The following MVB12B variants were observed in gnomAD, a reference collection of about 807,000 sequenced individuals.
MVB12B encodes the protein ESCRT-I complex subunit MVB12B.
MVB12B carries 16 observed loss-of-function variants against 41.6 expected under a neutral mutation model. The observed-to-expected ratio is 0.38, with a 90% CI of 0.26 to 0.58. The LOEUF is 0.58. Ranked by LOEUF, MVB12B falls within the 20% of genes least tolerant of loss-of-function variation. The probability of loss-of-function intolerance (pLI) is 0.62; values close to 1 mark genes in which losing one functional copy is unlikely to be tolerated. For synonymous variants in MVB12B, 133 were observed against 139.7 expected, an observed-to-expected ratio of 0.95 and a Z score of 0.34; for missense variants, 274 against 380.2, an observed-to-expected ratio of 0.72 and a Z score of 2.32.
chr9:126,406,670 G>C (rs1831437848), intron 6 of MVB12B, among the ~76,000 whole-genome samples: 1 of 152,196 alleles, frequency 6.6e-6, no homozygotes, highest in African/African-American at 2.4e-5. Context: ...TGGAAGTGTG[G>C]TGCCCCTGGT....
intron 6 of MVB12B, among the ~76,000 whole-genome samples, chr9:126,413,766 A>G (rs571808787): frequency 6.6e-6 from 1 of 151,858 alleles, no homozygotes; most frequent in African/African-American, 2.4e-5. Flanking sequence ...AGTATTTGCC[A>G]GGATGTATCC....
intron 9 of MVB12B, among the ~76,000 whole-genome samples, chr9:126,499,336 G>A (rs1037166148): frequency 1.3e-5 from 2 of 152,090 alleles, no homozygotes; most frequent in Non-Finnish European, 2.9e-5. Flanking sequence ...GGGCTGCCCA[G>A]CTGCTGCAGT....
chr9:126,471,777 C>T (rs562845612), intron 7 of MVB12B, among the ~76,000 whole-genome samples: 3 of 152,236 alleles, frequency 2.0e-5, no homozygotes, highest in South Asian at 2.1e-4. Flanking sequence ...CTCCAAGCCC[C>T]GGGCAGGTAC....
Position 126,459,583 on chromosome 9 carries a change from G to A in MVB12B, c.758-21786G>A, listed in dbSNP as rs552026637. On this transcript the variant is annotated intron_variant, in intron 7 of 9. Transcript: ENST00000361171. The surrounding 1 kb of genome is among the most constrained non-coding windows in gnomAD (Gnocchi z 4.3). ...GTGCCATTGTGTCTGAGGTCCCAGA[G>A]CCAAAGCCTCGGGAGGCTTGGGGCT... Among the ~76,000 whole-genome samples, 1 of 152,328 alleles carries A rather than the reference G, an allele frequency of 6.6e-6. No individual in the cohort carries two copies. The highest frequency in any genetic ancestry group is 1.9e-4 in the East Asian group (1 of 5,188).
intron 4 of MVB12B, among the ~76,000 whole-genome samples, chr9:126,387,816 A>G (rs193194094): frequency 6.6e-6 from 1 of 152,214 alleles, no homozygotes; most frequent in Non-Finnish European, 1.5e-5. Flanking sequence ...CCCATTTCAG[A>G]TATGAGAAAA....
chr9:126,351,832 G>A (rs1206470551), intron 2 of MVB12B, among the ~76,000 whole-genome samples: 1 of 152,142 alleles, frequency 6.6e-6, no homozygotes, highest in Non-Finnish European at 1.5e-5. Context: ...AGGTGTTTTG[G>A]TAGGTACTGT....
rs537697923 is a variant in MVB12B, at chr9:126,459,730, C to T, written c.758-21639C>T. On this transcript the variant is annotated intron_variant, in intron 7 of 9. Transcript: ENST00000361171. The surrounding 1 kb of genome is among the most constrained non-coding windows in gnomAD (Gnocchi z 4.3). ...AGCTTGGAGTGCGCAGTTGTTACAG[C>T]GCTCACAGGGGCCGCGCTCACCTGC... Among the ~76,000 whole-genome samples, 1 of 152,214 alleles carries T rather than the reference C, an allele frequency of 6.6e-6. No homozygotes were observed. Among genetic ancestry groups the T allele is most frequent in the Non-Finnish European group, 1.5e-5 (1 of 68,006 alleles).
chr9:126,506,119 G>T lies in MVB12B; in HGVS notation c.*2856G>T, dbSNP rs1459380299. ...ATTAAGGCCTTTCTTCCCACCCCAA[G>T]TCCAAGAACAAATGCCAGCCACGTC... On this transcript the variant is annotated 3_prime_UTR_variant, in exon 10 of 10. Coordinates refer to ENST00000361171, the MANE Select transcript of MVB12B (RefSeq NM_033446.3). 1 of 152,464 alleles carries T rather than the reference G, an allele frequency of 6.6e-6. No homozygotes were observed. Among genetic ancestry groups the T allele is most frequent in the Non-Finnish European group, 1.5e-5 (1 of 68,060 alleles). The allele number at this position is 152,464 out of a possible 1,614,324, so 9.4% of individuals were successfully genotyped here. A position where few individuals can be genotyped will look rare whatever the true frequency, so the allele number is the denominator to read the frequency against.
At position 126,503,179 on chromosome 9, in the gene MVB12B, C is replaced by T. The variant is rs148896721; in HGVS notation, c.876C>T (p.Tyr292=). The T allele has an allele frequency of 4.7e-5, 73 of 1,550,556 alleles. 1 individual carries two copies. Among genetic ancestry groups the T allele is most frequent in the South Asian group, 2.7e-4 (23 of 84,088 alleles). ...IKSLAEIEKE[Y]EYSFRTEQSA... ...TCTGTCCCCACCCGCCCCTGCAGTA[C>T]GAGTACAGCTTCCGCACAGAGCAGA... is the stretch of plus-strand genomic sequence containing the variant. Residue 292 remains tyrosine, a splice_region_variant and synonymous_variant, in exon 10 of 10, where the codon TAC becomes TAT. Coordinates refer to ENST00000361171, the MANE Select transcript of MVB12B (RefSeq NM_033446.3).
intron 2 of MVB12B, among the ~76,000 whole-genome samples, chr9:126,351,426 G>A (rs1291347892): frequency 4.0e-5 from 6 of 149,186 alleles, no homozygotes; most frequent in Non-Finnish European, 7.4e-5. Flanking sequence ...ACCTGTGAGA[G>A]AGTAGACCTT....
intron 2 of MVB12B, among the ~76,000 whole-genome samples, chr9:126,365,474 G>A (rs1446066289): frequency 6.6e-6 from 1 of 151,662 alleles, no homozygotes; most frequent in Non-Finnish European, 1.5e-5. Context: ...CTGGGATTAC[G>A]GGCATCCACC....
intron 6 of MVB12B, among the ~76,000 whole-genome samples, chr9:126,402,668 A>C (rs144988955): frequency 5.3e-5 from 8 of 152,218 alleles, no homozygotes; most frequent in East Asian, 3.9e-4. Flanking sequence ...TGGAAGAAGA[A>C]GACGAGGGCT....
At chr9:126,349,583 A>G (rs1399920378) in intron 2 of MVB12B, among the ~76,000 whole-genome samples, 1 of 152,214 alleles carries the variant, frequency 6.6e-6, no homozygotes, top group Non-Finnish European at 1.5e-5. Context: ...AGAATCTTAT[A>G]TAAACGGAAT....
At chr9:126,463,841 CTT>C (rs1332186796) in intron 7 of MVB12B, among the ~76,000 whole-genome samples, 2 of 152,112 alleles carry the variant, frequency 1.3e-5, no homozygotes, top group African/African-American at 4.8e-5. Context: ...TGTAGGGAGT[CTT>C]TTTGAAATCT....
intron 2 of MVB12B, among the ~76,000 whole-genome samples, chr9:126,351,838 A>T (rs144863332): frequency 4.6e-4 from 70 of 152,288 alleles, no homozygotes; most frequent in Non-Finnish European, 7.1e-4. Flanking sequence ...TTTGGTAGGT[A>T]CTGTTTATCA....
chr9:126,356,062 T>C (rs1473218757), intron 2 of MVB12B, among the ~76,000 whole-genome samples: 1 of 152,250 alleles, frequency 6.6e-6, no homozygotes, highest in Non-Finnish European at 1.5e-5. Context: ...TTTGTTTGGC[T>C]TCTTTCACTT....
At chr9:126,472,016 A>G (rs1339107088) in intron 7 of MVB12B, among the ~76,000 whole-genome samples, 1 of 151,534 alleles carries the variant, frequency 6.6e-6, no homozygotes, top group Admixed American at 6.6e-5. Flanking sequence ...TGACTTTATG[A>G]CTCTCTTTAT....
intron 1 of MVB12B, chr9:126,335,479 C>T: frequency 9.2e-7 from 1 of 1,091,178 alleles, no homozygotes; most frequent in Admixed American, 2.3e-5. Context: ...GAGGCCTGGC[C>T]ACAGGTTCCC....
chr9:126,483,872 TCA>T, intron 8 of MVB12B, 99 bp from the exon 9 acceptor site: 1 of 1,230,798 alleles, frequency 8.1e-7, no homozygotes, highest in Non-Finnish European at 1.2e-6. Context: ...AAACGCTAGA[TCA>T]CACCGTGGCT....
Sources: gnomAD v4.1 joint callset for allele counts (sites outside exome capture counted in the v4.1 genomes callset) on GRCh38, gnomAD v4.1.1 for gene constraint, Gnocchi (gnomAD v3.1) non-coding constraint, MANE v1.5 for transcripts, NCBI Gene and HGNC (gene_info 2026-07-23, HGNC 2026-07-21) for gene names.